Variants in NT5M observed in about 807,000 individuals in gnomAD.
The protein encoded by NT5M is 5'(3')-deoxyribonucleotidase, mitochondrial.
Under a neutral mutation model 22.2 loss-of-function variants are expected in NT5M, and 22 were observed. The observed-to-expected ratio is 0.99, with a 90% CI of 0.71 to 1.41. The LOEUF is 1.41. Among genes scored for constraint, NT5M ranks in the 40% most tolerant of loss-of-function variants. The pLI is 0.00. For synonymous variants in NT5M, 167 were observed against 133.0 expected, an observed-to-expected ratio of 1.26 and a Z score of -1.76; for missense variants, 322 against 314.8, an observed-to-expected ratio of 1.02 and a Z score of -0.17.
At chr17:17,326,529 G>C (rs2049270276) in intron 3 of NT5M, among the ~76,000 whole-genome samples, 1 of 152,264 alleles carries the variant, frequency 6.6e-6, no homozygotes, top group Non-Finnish European at 1.5e-5. Context: ...GGAAGCCCGA[G>C]GAAGCAGGCC....
At chr17:17,327,041 A>G (rs931873486) in intron 3 of NT5M, among the ~76,000 whole-genome samples, 5 of 151,456 alleles carry the variant, frequency 3.3e-5, no homozygotes, top group Middle Eastern at 3.2e-3. Flanking sequence ...CCTCCTTAGT[A>G]GTTGGGATTA....
intron 2 of NT5M, among the ~76,000 whole-genome samples, chr17:17,310,538 C>T (rs1021877142): frequency 1.3e-5 from 2 of 152,004 alleles, no homozygotes; most frequent in African/African-American, 2.4e-5. Context: ...CCAATAAGCA[C>T]ATAAAAAGAT....
intron 2 of NT5M, among the ~76,000 whole-genome samples, chr17:17,320,516 C>T (rs2049129034): frequency 6.6e-6 from 1 of 152,160 alleles, no homozygotes; most frequent in South Asian, 2.1e-4. Flanking sequence ...TCTTTATCAT[C>T]TCTGTTTATC....
Position 17,306,651 on chromosome 17 carries a change from T to C in NT5M, c.368+8T>C. The stretch of plus-strand genomic sequence containing the variant: ...GATGGCCAGCCTACAAAAGTAAGTT[T>C]GTCCTCCCAGCCACTCAGTAAGTTT... On this transcript the variant is annotated splice_region_variant and intron_variant, in intron 2 of 4. Coordinates refer to ENST00000389022, the MANE Select transcript of NT5M (RefSeq NM_020201.4). 1.3e-6 allele frequency: 2 copies of C among 1,599,774 alleles called. No homozygotes were observed. The highest frequency in any genetic ancestry group is 1.7e-4 in the Middle Eastern group (1 of 5,924).
intron 2 of NT5M, among the ~76,000 whole-genome samples, chr17:17,310,026 A>G (rs1464097559): frequency 6.6e-6 from 1 of 151,916 alleles, no homozygotes; most frequent in African/African-American, 2.4e-5. Flanking sequence ...GGGCTTCACC[A>G]TGTTAGCCAG....
chr17:17,313,976 C>T (rs1451994334), intron 2 of NT5M, among the ~76,000 whole-genome samples: 2 of 151,856 alleles, frequency 1.3e-5, no homozygotes, highest in East Asian at 3.8e-4. Context: ...TTCTGAGGAG[C>T]TTGGTTTGGA....
chr17:17,326,567 C>T (rs900307830), intron 3 of NT5M, among the ~76,000 whole-genome samples: 2 of 152,210 alleles, frequency 1.3e-5, no homozygotes, highest in South Asian at 4.1e-4. Context: ...AGCCCGCAGA[C>T]CGTCTCTCCA....
At chr17:17,339,955 G>A (rs1470772194) in intron 3 of NT5M, among the ~76,000 whole-genome samples, 2 of 151,818 alleles carry the variant, frequency 1.3e-5, no homozygotes, top group African/African-American at 4.8e-5. Context: ...TTTTTTCAAT[G>A]TGTTTTTGTC....
intron 3 of NT5M, among the ~76,000 whole-genome samples, chr17:17,340,576 G>T (rs2049618738): frequency 6.6e-6 from 1 of 151,170 alleles, no homozygotes; most frequent in Admixed American, 6.6e-5. Flanking sequence ...GCCCAGGCTG[G>T]AGTGCAGTGG....
chr17:17,336,991 C>CT (rs1474561420), intron 3 of NT5M, among the ~76,000 whole-genome samples: 2 of 151,760 alleles, frequency 1.3e-5, no homozygotes, highest in Non-Finnish European at 2.9e-5. Flanking sequence ...TACTGATTTC[C>CT]TTTTTTTTAG....
chr17:17,303,948 G>A, intron 1 of NT5M, 131 bp downstream of exon 1: 1 of 1,269,650 alleles, frequency 7.9e-7, no homozygotes, highest in Non-Finnish European at 9.9e-7. Flanking sequence ...ATAGGGTCTG[G>A]GGGGGACTAG....
chr17:17,342,936 C>T (rs946880610), intron 3 of NT5M, among the ~76,000 whole-genome samples: 1 of 152,176 alleles, frequency 6.6e-6, no homozygotes, highest in Non-Finnish European at 1.5e-5. Context: ...GGCTAAATTA[C>T]TACACAAGTC....
intron 3 of NT5M, among the ~76,000 whole-genome samples, chr17:17,344,221 G>A (rs1178624113): frequency 4.6e-5 from 7 of 152,178 alleles, no homozygotes; most frequent in Admixed American, 4.6e-4. Context: ...TGCCCCTGTG[G>A]TCAGCTTGCC....
chr17:17,334,115 G>GACATAC (rs1274170038), intron 3 of NT5M, among the ~76,000 whole-genome samples: 3 of 152,060 alleles, frequency 2.0e-5, no homozygotes, highest in Non-Finnish European at 4.4e-5. Context: ...TTACAGGTGT[G>GACATAC]AGACACCGTG....
intron 2 of NT5M, among the ~76,000 whole-genome samples, chr17:17,307,666 C>T (rs951325582): frequency 2.6e-5 from 4 of 151,512 alleles, no homozygotes; most frequent in African/African-American, 4.9e-5. Context: ...GACCAGCCTG[C>T]GTAGCATGGT....
At chr17:17,313,133 G>A (rs2048954669) in intron 2 of NT5M, among the ~76,000 whole-genome samples, 1 of 151,638 alleles carries the variant, frequency 6.6e-6, no homozygotes, top group African/African-American at 2.4e-5. Flanking sequence ...GCTGGGTGTG[G>A]TGGGCGTGGT....
intron 4 of NT5M, among the ~76,000 whole-genome samples, chr17:17,346,291 C>T (rs1233123563): frequency 2.0e-5 from 3 of 152,184 alleles, no homozygotes; most frequent in Admixed American, 6.5e-5. Context: ...AAAGGGGTGG[C>T]ATCACCAGCA....
intron 2 of NT5M, among the ~76,000 whole-genome samples, chr17:17,308,365 G>A (rs1234462397): frequency 6.6e-6 from 1 of 152,010 alleles, no homozygotes; most frequent in African/African-American, 2.4e-5. Flanking sequence ...AGGTCGAGGC[G>A]GGCGGATCAA....
intron 2 of NT5M, among the ~76,000 whole-genome samples, chr17:17,310,720 C>A (rs1258657284): frequency 6.7e-6 from 1 of 148,190 alleles, no homozygotes; most frequent in Non-Finnish European, 1.5e-5. Flanking sequence ...TGCCTGTGAT[C>A]CCAGCTACTT....
Sources: gnomAD v4.1 joint callset for allele counts (sites outside exome capture counted in the v4.1 genomes callset) on GRCh38, gnomAD v4.1.1 for gene constraint, MANE v1.5 for transcripts, NCBI Gene and HGNC (gene_info 2026-07-23, HGNC 2026-07-21) for gene names.